Variants in MAD1L1 observed in about 807,000 individuals in gnomAD.
MAD1L1 encodes mitotic spindle assembly checkpoint protein MAD1.
In MAD1L1, 95 loss-of-function variants were observed where a neutral mutation model predicts 96.9. The ratio of observed to expected loss-of-function variants is 0.98; its 90% CI spans 0.83 to 1.16. The LOEUF is 1.16. Ranked by LOEUF, MAD1L1 falls within the 50% of genes most tolerant of loss-of-function variation. The pLI is 0.00. For synonymous variants in MAD1L1, 473 were observed against 396.6 expected, an observed-to-expected ratio of 1.19 and a Z score of -2.29; for missense variants, 1,007 against 954.4, an observed-to-expected ratio of 1.06 and a Z score of -0.73.
At chr7:1,977,066 G>A (rs1369909282) in intron 15 of MAD1L1, among the ~76,000 whole-genome samples, 4 of 152,242 alleles carry the variant, frequency 2.6e-5, no homozygotes, top group South Asian at 2.1e-4. Context: ...TGGATCCCAC[G>A]CCGGGCTGGG....
chr7:2,125,704 G>C (rs1350526468), intron 11 of MAD1L1, among the ~76,000 whole-genome samples: 1 of 152,208 alleles, frequency 6.6e-6, no homozygotes, highest in Non-Finnish European at 1.5e-5. Flanking sequence ...ACACCAAGCA[G>C]CACGAGTGCT....
At chr7:2,224,258 G>C (rs1793764350) in intron 4 of MAD1L1, among the ~76,000 whole-genome samples, 1 of 152,060 alleles carries the variant, frequency 6.6e-6, no homozygotes, top group Non-Finnish European at 1.5e-5. Context: ...CAATGACCTG[G>C]TGGCTCCTCT....
At chr7:1,928,017 G>C (rs1789188340) in intron 17 of MAD1L1, among the ~76,000 whole-genome samples, 1 of 152,222 alleles carries the variant, frequency 6.6e-6, no homozygotes, top group South Asian at 2.1e-4. Flanking sequence ...AGACAGTGGA[G>C]AGCCACCAGC....
intron 10 of MAD1L1, among the ~76,000 whole-genome samples, chr7:2,189,098 G>T (rs1380727972): frequency 6.6e-6 from 1 of 152,128 alleles, no homozygotes; most frequent in Non-Finnish European, 1.5e-5. Context: ...TAATCATTAG[G>T]GAAATGCATA....
At chr7:1,840,031 C>T (rs1377267594) in intron 18 of MAD1L1, among the ~76,000 whole-genome samples, 2 of 152,356 alleles carry the variant, frequency 1.3e-5, no homozygotes, top group Admixed American at 6.5e-5. Flanking sequence ...GGGCCCAGCA[C>T]GGCGGGCATT....
At chr7:2,104,910 CTGGGGACT>C (rs1787010093) in intron 11 of MAD1L1, among the ~76,000 whole-genome samples, 1 of 152,196 alleles carries the variant, frequency 6.6e-6, no homozygotes, top group South Asian at 2.1e-4. Flanking sequence ...CCCGCAAGCC[CTGGGGACT>C]CTTTCCGGAG....
At chr7:2,071,534 G>A (rs1243317896) in intron 11 of MAD1L1, among the ~76,000 whole-genome samples, 4 of 152,238 alleles carry the variant, frequency 2.6e-5, no homozygotes, top group Non-Finnish European at 5.9e-5. Flanking sequence ...AATGACTGAC[G>A]GTGGCTGCAG....
At chr7:2,090,496 G>C (rs763211657) in intron 11 of MAD1L1, among the ~76,000 whole-genome samples, 1 of 152,220 alleles carries the variant, frequency 6.6e-6, no homozygotes, top group Non-Finnish European at 1.5e-5. Flanking sequence ...ACGGTGTCAC[G>C]AACGGACCTG....
intron 18 of MAD1L1, among the ~76,000 whole-genome samples, chr7:1,817,690 A>G (rs1405224823): frequency 6.6e-6 from 1 of 152,164 alleles, no homozygotes; most frequent in Non-Finnish European, 1.5e-5. Flanking sequence ...ATGGAGCGCT[A>G]GACGTGAGGG....
At chr7:2,202,649 C>T (rs977835821) in intron 10 of MAD1L1, among the ~76,000 whole-genome samples, 4 of 152,200 alleles carry the variant, frequency 2.6e-5, no homozygotes, top group Admixed American at 1.3e-4. Context: ...CAAAGAAAAC[C>T]AAACCGGCGC....
At chr7:1,850,249 G>T (rs978533344) in intron 18 of MAD1L1, among the ~76,000 whole-genome samples, 14 of 152,092 alleles carry the variant, frequency 9.2e-5, no homozygotes, top group Non-Finnish European at 1.6e-4. Context: ...GCCCAGTCAG[G>T]TCCCGAGGGC....
At chr7:1,921,132 G>C (rs1788765897) in intron 17 of MAD1L1, among the ~76,000 whole-genome samples, 1 of 152,198 alleles carries the variant, frequency 6.6e-6, no homozygotes, top group Non-Finnish European at 1.5e-5. Context: ...CCTGCAAAGG[G>C]AACCCCGGCA....
intron 12 of MAD1L1, among the ~76,000 whole-genome samples, chr7:2,057,773 T>C (rs983686664): frequency 6.6e-6 from 1 of 152,178 alleles, no homozygotes; most frequent in African/African-American, 2.4e-5. Context: ...ACAAAGACTC[T>C]TAGAAAAGCA....
chr7:1,897,947 G>C (rs181206675), intron 18 of MAD1L1, among the ~76,000 whole-genome samples: 1 of 152,380 alleles, frequency 6.6e-6, no homozygotes, highest in Admixed American at 6.5e-5. Context: ...CAGAGGCTGA[G>C]AAAGTCAGGG....
intron 15 of MAD1L1, among the ~76,000 whole-genome samples, chr7:1,966,594 G>A (rs1313570742): frequency 7.5e-6 from 1 of 132,952 alleles, no homozygotes; most frequent in African/African-American, 2.8e-5. Flanking sequence ...AATCCCTAGA[G>A]ATTCAAGAAG....
chr7:2,018,783 C>T (rs1356254921), intron 12 of MAD1L1, among the ~76,000 whole-genome samples: 1 of 152,174 alleles, frequency 6.6e-6, no homozygotes, highest in East Asian at 1.9e-4. Context: ...CACTCCCGCC[C>T]GGCCTCTGCC....
chr7:2,120,320 G>A (rs532747983), intron 11 of MAD1L1, among the ~76,000 whole-genome samples: 4 of 152,250 alleles, frequency 2.6e-5, no homozygotes, highest in African/African-American at 7.2e-5. Flanking sequence ...CTCAACACCC[G>A]CCACCACTTC....
chr7:1,972,370 T>A (rs571512170), intron 15 of MAD1L1, among the ~76,000 whole-genome samples: 138 of 152,282 alleles, frequency 9.1e-4, no homozygotes, highest in South Asian at 1.7e-3. Flanking sequence ...CAATTTTTTT[T>A]AAAAAAATAG....
At chr7:1,974,321 C>T (rs548592631) in intron 15 of MAD1L1, among the ~76,000 whole-genome samples, 13 of 152,302 alleles carry the variant, frequency 8.5e-5, no homozygotes, top group African/African-American at 2.2e-4. Flanking sequence ...GACCACCAAA[C>T]GCTTAAGGAA....
Sources: gnomAD v4.1 joint callset for allele counts (sites outside exome capture counted in the v4.1 genomes callset) on GRCh38, gnomAD v4.1.1 for gene constraint, MANE v1.5 for transcripts, NCBI Gene and HGNC (gene_info 2026-07-23, HGNC 2026-07-21) for gene names.